The following SDK1 variants were observed in gnomAD, a reference collection of about 807,000 sequenced individuals.
SDK1 encodes protein sidekick-1.
A neutral mutation model predicts 245.5 loss-of-function variants in SDK1; 157 were observed. The ratio of observed to expected loss-of-function variants is 0.64; its 90% CI spans 0.56 to 0.73. The LOEUF (loss-of-function observed/expected upper bound fraction) is 0.73. SDK1 is among the 30% of genes least tolerant of loss of function. The probability of loss-of-function intolerance (pLI) is 0.00; values close to 1 mark genes in which losing one functional copy is unlikely to be tolerated. For synonymous variants in SDK1, 1,647 were observed against 1,278.5 expected (o/e 1.29, Z -6.15); for missense variants, 3,583 against 3,002.3 (o/e 1.19, Z -4.52).
At chr7:3,723,977 G>GAA (rs1491240630) in intron 4 of SDK1, among the ~76,000 whole-genome samples, 1 of 145,254 alleles carries the variant, frequency 6.9e-6, no homozygotes, top group Admixed American at 6.9e-5. Flanking sequence ...GAGAGAGAGA[G>GAA]AAAGAGAGAG....
chr7:3,881,277 A>G (rs1781202837), intron 5 of SDK1, among the ~76,000 whole-genome samples: 1 of 151,768 alleles, frequency 6.6e-6, no homozygotes, highest in South Asian at 2.1e-4. Flanking sequence ...CAGGCCCCCC[A>G]GTGTGTGTTG....
At chr7:3,671,680 C>T (rs1783705912) in intron 4 of SDK1, among the ~76,000 whole-genome samples, 2 of 152,156 alleles carry the variant, frequency 1.3e-5, no homozygotes, top group African/African-American at 4.8e-5. Context: ...AAACACTTTT[C>T]ATTGTAGATG....
At chr7:3,883,369 C>G (rs73294610) in intron 5 of SDK1, among the ~76,000 whole-genome samples, 1,589 of 152,316 alleles carry the variant, frequency 0.01, 21 homozygotes, top group African/African-American at 0.037. Context: ...AAGCGAGGAA[C>G]GTGCCTGAAC....
In SDK1 at chr7:3,525,838, G is replaced by A. The variant is rs75737513; in HGVS notation, c.299-93242G>A. ...AATATCAATTTTAGTGTAATAATTTGTCTTATTTAATTTTGTTACTTAAAT... is the reference window on the plus strand; with the variant it reads ...AATATCAATTTTAGTGTAATAATTTATCTTATTTAATTTTGTTACTTAAAT... On this transcript the variant is annotated intron_variant, in intron 1 of 44. Coordinates refer to ENST00000404826, the MANE Select transcript of SDK1 (RefSeq NM_152744.4). Among the ~76,000 whole-genome samples, 403 of 152,166 alleles carry A rather than the reference G, an allele frequency of 2.6e-3. 2 individuals carry two copies. The highest frequency in any genetic ancestry group is 9.2e-3 in the African/African-American group (383 of 41,500).
intron 1 of SDK1, among the ~76,000 whole-genome samples, chr7:3,327,099 G>A (rs1779957692): frequency 6.6e-6 from 1 of 152,158 alleles, no homozygotes; most frequent in African/African-American, 2.4e-5. Flanking sequence ...AGCTGGTTAG[G>A]TAGCAGCTGC....
chr7:3,720,750 A>G (rs1387381775), intron 4 of SDK1, among the ~76,000 whole-genome samples: 1 of 152,226 alleles, frequency 6.6e-6, no homozygotes, highest in Non-Finnish European at 1.5e-5. Context: ...ATTCTTGGGC[A>G]TATCTCAGAG....
At chr7:4,242,581 G>T (rs183736481) in intron 43 of SDK1, among the ~76,000 whole-genome samples, 1 of 152,054 alleles carries the variant, frequency 6.6e-6, no homozygotes, top group African/African-American at 2.4e-5. Flanking sequence ...GGTCTTGAGC[G>T]TCTGGAAGGA....
chr7:4,156,044 C>T (rs1163228805), intron 30 of SDK1, among the ~76,000 whole-genome samples: 5 of 152,162 alleles, frequency 3.3e-5, no homozygotes, highest in Admixed American at 1.3e-4. Context: ...GAGTGTCTCA[C>T]CTGAGTTTAA....
intron 1 of SDK1, among the ~76,000 whole-genome samples, chr7:3,512,446 G>T (rs989508805): frequency 3.3e-5 from 5 of 152,186 alleles, no homozygotes; most frequent in Admixed American, 3.3e-4. Context: ...GTTTTTGTAT[G>T]TGGAAATAAG....
At chr7:3,346,701 TTGTG>T (rs1173051488) in intron 1 of SDK1, among the ~76,000 whole-genome samples, 32 of 129,654 alleles carry the variant, frequency 2.5e-4, no homozygotes, top group African/African-American at 9.6e-4. Flanking sequence ...GTATGTGTGT[TTGTG>T]TGTGTGTGTA....
chr7:3,955,414 C>G (rs577288607), intron 7 of SDK1, among the ~76,000 whole-genome samples: 1 of 152,254 alleles, frequency 6.6e-6, no homozygotes, highest in Admixed American at 6.5e-5. Context: ...TAAATTGGGC[C>G]CACCCAGCGA....
chr7:4,132,020 C>T (rs1784861216), intron 27 of SDK1, among the ~76,000 whole-genome samples: 1 of 152,118 alleles, frequency 6.6e-6, no homozygotes, highest in African/African-American at 2.4e-5. Flanking sequence ...GACTGGTCTA[C>T]TTGTGTCCTG....
intron 17 of SDK1, 91 bp downstream of exon 17, chr7:4,017,443 CAG>C (rs962555301): frequency 2.7e-6 from 3 of 1,125,588 alleles, no homozygotes; most frequent in East Asian, 2.5e-5. Flanking sequence ...GAAAGAAAAA[CAG>C]AGAATCCAGT....
At chr7:4,010,202 G>A (rs1292632133) in intron 14 of SDK1, among the ~76,000 whole-genome samples, 3 of 152,262 alleles carry the variant, frequency 2.0e-5, no homozygotes, top group Non-Finnish European at 2.9e-5. Context: ...GCGGATGCTG[G>A]AAGTCACTGC....
chr7:3,458,152 C>T (rs183756669), intron 1 of SDK1, among the ~76,000 whole-genome samples: 30 of 148,914 alleles, frequency 2.0e-4, no homozygotes, highest in East Asian at 2.0e-4. Context: ...CATTGATATT[C>T]GTTGATGTGG....
intron 5 of SDK1, among the ~76,000 whole-genome samples, chr7:3,841,544 G>A (rs1212805487): frequency 6.6e-6 from 1 of 151,956 alleles, no homozygotes; most frequent in African/African-American, 2.4e-5. Flanking sequence ...CTTAGGTCAA[G>A]TATTATCAGA....
In SDK1 at chr7:3,365,617, A is replaced by G. The variant is rs1046591197; in HGVS notation, c.298+63733A>G. 2.0e-5 allele frequency among the ~76,000 whole-genome samples: 3 copies of G among 152,234 alleles called. No homozygotes were observed. The South Asian group carries it at 6.2e-4, about 31-fold the overall frequency. On this transcript the variant is annotated intron_variant, in intron 1 of 44. Transcript: ENST00000404826. ...ATAAATGTTTTAAAATTGCTGTATT[A>G]AAATTAAAACTATTGAATAAAATTT...
intron 4 of SDK1, among the ~76,000 whole-genome samples, chr7:3,659,761 A>G (rs2128658953): frequency 6.6e-6 from 1 of 152,338 alleles, no homozygotes; most frequent in East Asian, 1.9e-4. Flanking sequence ...ATACGTAGGA[A>G]GCTTCTGCAA....
rs186219794 is a variant in SDK1, at chr7:4,222,428, G to C, written c.5827+1064G>C. On this transcript the variant is annotated intron_variant, in intron 40 of 44. Coordinates refer to ENST00000404826, the MANE Select transcript of SDK1 (RefSeq NM_152744.4). The stretch of plus-strand genomic sequence containing the variant: ...TCCTGCCTCAGCCTCCCGAGTAGCT[G>C]GGATTACAGGCACCCGCCATCACGC... 2.5e-3 allele frequency among the ~76,000 whole-genome samples: 381 copies of C among 152,196 alleles called. 1 individual carries two copies. Among genetic ancestry groups the C allele is most frequent in the African/African-American group, 8.4e-3 (347 of 41,530 alleles).
Sources: allele counts gnomAD v4.1 joint callset (sites outside exome capture counted in the v4.1 genomes callset), GRCh38; gene constraint gnomAD v4.1.1; transcripts MANE v1.5; gene names NCBI Gene and HGNC (gene_info 2026-07-23, HGNC 2026-07-21).